Variants in FSHR observed in about 807,000 individuals in gnomAD.
FSHR encodes follicle-stimulating hormone receptor.
In FSHR, 46 loss-of-function variants were observed where a neutral mutation model predicts 52.1. The observed-to-expected ratio is 0.88, with a 90% confidence interval of 0.70 to 1.13. The LOEUF is 1.13. Among genes scored for constraint, FSHR ranks in the 50% most tolerant of loss-of-function variants. The probability of loss-of-function intolerance (pLI) is 0.00; values close to 1 mark genes in which losing one functional copy is unlikely to be tolerated. For synonymous variants in FSHR, 399 were observed against 309.6 expected (o/e 1.29, Z -3.03); for missense variants, 964 against 834.6 (o/e 1.16, Z -1.91).
intron 1 of FSHR, among the ~76,000 whole-genome samples, chr2:49,129,308 T>C (rs748710174): frequency 1.3e-5 from 2 of 152,164 alleles, no homozygotes; most frequent in African/African-American, 4.8e-5. Flanking sequence ...CCAGGCCAGA[T>C]AGCCTGATTT....
chr2:49,085,444 A>G (rs556085154), intron 1 of FSHR, among the ~76,000 whole-genome samples: 1 of 152,332 alleles, frequency 6.6e-6, no homozygotes, highest in East Asian at 1.9e-4. Context: ...CAACGAAGGG[A>G]TGCCCTCTCT....
chr2:48,992,924 C>A (rs985611342), intron 4 of FSHR, among the ~76,000 whole-genome samples: 7 of 152,132 alleles, frequency 4.6e-5, no homozygotes, highest in Admixed American at 3.9e-4. Context: ...ACAAACTCAC[C>A]AACTACCAAA....
chr2:49,056,344 C>T (rs771818912), intron 2 of FSHR, among the ~76,000 whole-genome samples: 2 of 151,122 alleles, frequency 1.3e-5, no homozygotes, highest in African/African-American at 2.4e-5. Context: ...GCTATACTTA[C>T]ATCAGAAAAA....
intron 1 of FSHR, among the ~76,000 whole-genome samples, chr2:49,121,697 G>C (rs1305676019): frequency 6.6e-6 from 1 of 152,216 alleles, no homozygotes; most frequent in Non-Finnish European, 1.5e-5. Flanking sequence ...AGGAAGAGCT[G>C]TGTGCATAGC....
chr2:48,983,208 C>G, intron 6 of FSHR, 42 bp from the exon 7 acceptor site: 7 of 1,557,352 alleles, frequency 4.5e-6, no homozygotes, highest in East Asian at 2.2e-5. Flanking sequence ...ATGTCAGATG[C>G]AAACAATACA....
chr2:48,984,854 A>G (rs1375500510), intron 6 of FSHR, among the ~76,000 whole-genome samples: 1 of 152,218 alleles, frequency 6.6e-6, no homozygotes, highest in East Asian at 1.9e-4. Flanking sequence ...AATTTTAAAT[A>G]ATTATTGTAT....
chr2:49,045,557 A>C (rs1668626840), intron 2 of FSHR, among the ~76,000 whole-genome samples: 1 of 151,586 alleles, frequency 6.6e-6, no homozygotes, highest in Non-Finnish European at 1.5e-5. Context: ...AGACAGAGGT[A>C]GGCAAAAACA....
intron 1 of FSHR, among the ~76,000 whole-genome samples, chr2:49,073,218 G>T (rs1389266649): frequency 6.6e-6 from 1 of 151,968 alleles, no homozygotes; most frequent in Non-Finnish European, 1.5e-5. Flanking sequence ...GAGCAATTAG[G>T]CAAGAGAAAG....
intron 1 of FSHR, among the ~76,000 whole-genome samples, chr2:49,123,301 A>G (rs1166673144): frequency 1.3e-5 from 2 of 152,052 alleles, no homozygotes; most frequent in African/African-American, 4.8e-5. Flanking sequence ...AGTCTGGGCA[A>G]CATGGCAAAA....
chr2:49,072,380 C>T (rs115981740), intron 1 of FSHR, among the ~76,000 whole-genome samples: 1,658 of 152,128 alleles, frequency 0.011, 12 homozygotes, highest in Admixed American at 0.021. Context: ...AAATTGCTAC[C>T]TCTAGCAGAA....
intron 1 of FSHR, among the ~76,000 whole-genome samples, chr2:49,142,208 G>T (rs1250543292): frequency 6.6e-6 from 1 of 152,152 alleles, no homozygotes; most frequent in Non-Finnish European, 1.5e-5. Context: ...GTTTCTAGTG[G>T]TGGGGAGGAA....
intron 9 of FSHR, among the ~76,000 whole-genome samples, chr2:48,964,406 G>T (rs1674378264): frequency 6.6e-6 from 1 of 152,174 alleles, no homozygotes; most frequent in South Asian, 2.1e-4. Flanking sequence ...ACTCAAATGA[G>T]AACTTATTTG....
At chr2:49,137,722 GT>G (rs1672535937) in intron 1 of FSHR, among the ~76,000 whole-genome samples, 1 of 152,072 alleles carries the variant, frequency 6.6e-6, no homozygotes, top group Admixed American at 6.6e-5. Flanking sequence ...GGTCCCAATT[GT>G]TTAGTAAGGG....
chr2:48,976,582 G>C (rs533565675), intron 8 of FSHR, among the ~76,000 whole-genome samples: 1 of 152,220 alleles, frequency 6.6e-6, no homozygotes, highest in African/African-American at 2.4e-5. Flanking sequence ...TGTACCTCTG[G>C]TAGAATTTGG....
In FSHR at chr2:49,037,353, C is replaced by A. The variant is rs543454133; in HGVS notation, c.225-17193G>T. Among the ~76,000 whole-genome samples the A allele has an allele frequency of 7.9e-5, 12 of 152,276 alleles. No homozygotes were observed. In the South Asian group the frequency reaches 2.5e-3, roughly 32 times the overall value. On this transcript the variant is annotated intron_variant, in intron 2 of 9. Coordinates refer to ENST00000406846, the MANE Select transcript of FSHR (RefSeq NM_000145.4). The stretch of plus-strand genomic sequence containing the variant: ...AGCAAATGTTAGGATATTTTCATAC[C>A]TACAGCATGTGATCCCCATTGAACA...
chr2:49,033,483 G>A (rs1668173876), intron 2 of FSHR, among the ~76,000 whole-genome samples: 1 of 152,160 alleles, frequency 6.6e-6, no homozygotes, highest in Non-Finnish European at 1.5e-5. Context: ...ATAAGTAGTA[G>A]CTGAAAGGGG....
intron 1 of FSHR, among the ~76,000 whole-genome samples, chr2:49,116,717 A>T (rs944670798): frequency 6.6e-6 from 1 of 152,106 alleles, no homozygotes; most frequent in African/African-American, 2.4e-5. Context: ...TTCAGATTTA[A>T]ATTTTATTTT....
intron 2 of FSHR, among the ~76,000 whole-genome samples, chr2:49,059,103 G>T (rs1003172661): frequency 6.6e-6 from 1 of 152,040 alleles, no homozygotes. Flanking sequence ...TACTTGGGAG[G>T]CTAAGGTAGG....
chr2:49,021,878 TATATATATAGAGAGAGAGAGAGAGAGAG>T (rs1305353936), intron 2 of FSHR, among the ~76,000 whole-genome samples: 4 of 60,858 alleles, frequency 6.6e-5, no homozygotes, highest in African/African-American at 2.1e-4. Flanking sequence ...TATATATATA[TATATATATAGAGAGAGAGAGAGAGAGAG>T]AGAGAGAGAG....
Sources: allele counts gnomAD v4.1 joint callset (sites outside exome capture counted in the v4.1 genomes callset), GRCh38; gene constraint gnomAD v4.1.1; transcripts MANE v1.5; gene names NCBI Gene and HGNC (gene_info 2026-07-23, HGNC 2026-07-21).